Variants in REEP1 observed in about 807,000 individuals in gnomAD.
The protein encoded by REEP1 is receptor expression-enhancing protein 1.
Under a neutral mutation model 40.3 loss-of-function variants are expected in REEP1, and 22 were observed. That is an observed-to-expected ratio of 0.55 (90% CI 0.39 to 0.78). The LOEUF (loss-of-function observed/expected upper bound fraction) is 0.78. Ranked by LOEUF, REEP1 falls within the 30% of genes least tolerant of loss-of-function variation. The pLI is 0.00. For synonymous variants in REEP1, 116 were observed against 139.2 expected, an observed-to-expected ratio of 0.83 and a Z score of 1.17; for missense variants, 280 against 361.1, an observed-to-expected ratio of 0.78 and a Z score of 1.82.
chr2:86,283,184 T>A (rs987847435), intron 1 of REEP1, among the ~76,000 whole-genome samples: 6 of 152,226 alleles, frequency 3.9e-5, no homozygotes, highest in African/African-American at 1.4e-4. Flanking sequence ...ACAGCCCTCT[T>A]TCCACAGCAC....
intron 5 of REEP1, among the ~76,000 whole-genome samples, chr2:86,250,605 G>A (rs1676218774): frequency 6.6e-6 from 1 of 152,118 alleles, no homozygotes; most frequent in Non-Finnish European, 1.5e-5. Flanking sequence ...TAGTAAAGGG[G>A]CAGAGACCCC....
chr2:86,247,317 TA>T (rs1676027856), intron 5 of REEP1, among the ~76,000 whole-genome samples: 1 of 152,174 alleles, frequency 6.6e-6, no homozygotes, highest in Non-Finnish European at 1.5e-5. Flanking sequence ...GAGGGTGGGA[TA>T]GGGGTTAAAT....
chr2:86,224,688 G>C (rs544431158), intron 7 of REEP1, among the ~76,000 whole-genome samples: 1 of 152,350 alleles, frequency 6.6e-6, no homozygotes, highest in East Asian at 1.9e-4. Flanking sequence ...CCCCATCCCA[G>C]CAGCAACCAA....
intron 1 of REEP1, among the ~76,000 whole-genome samples, chr2:86,306,671 G>A (rs76416920): frequency 0.016 from 2,409 of 152,238 alleles, 50 homozygotes; most frequent in African/African-American, 0.052. Flanking sequence ...CTACAAATTG[G>A]TGTTTGGTAG....
intron 3 of REEP1, among the ~76,000 whole-genome samples, chr2:86,259,446 TGCGATCTTA>T (rs1676740785): frequency 6.6e-6 from 1 of 151,610 alleles, no homozygotes; most frequent in African/African-American, 2.4e-5. Flanking sequence ...AGTGCAGTGG[TGCGATCTTA>T]GCTCACTGCA....
intron 4 of REEP1, among the ~76,000 whole-genome samples, chr2:86,252,953 G>A (rs1288055505): frequency 6.6e-6 from 1 of 152,188 alleles, no homozygotes; most frequent in Non-Finnish European, 1.5e-5. Context: ...TTGTTTGTTT[G>A]GGAGTGTTTT....
intron 2 of REEP1, among the ~76,000 whole-genome samples, chr2:86,270,184 T>A (rs1427821223): frequency 6.6e-6 from 1 of 151,594 alleles, no homozygotes; most frequent in Non-Finnish European, 1.5e-5. Flanking sequence ...TGTTTGTTTG[T>A]TTGTTTGTTT....
At chr2:86,251,006 C>T (rs1205016534) in intron 5 of REEP1, among the ~76,000 whole-genome samples, 1 of 152,174 alleles carries the variant, frequency 6.6e-6, no homozygotes, top group Non-Finnish European at 1.5e-5. Flanking sequence ...CCCCAAAACC[C>T]TCACATCACC....
chr2:86,284,241 C>T (rs148702757), intron 1 of REEP1, among the ~76,000 whole-genome samples: 4 of 152,072 alleles, frequency 2.6e-5, no homozygotes, highest in Admixed American at 6.5e-5. Context: ...GGTCACCCCC[C>T]CTGACGATTG....
In REEP1 at chr2:86,280,862, CTG is replaced by C. The variant is rs1678044155; in HGVS notation, c.105+1306_105+1307del. Among the ~76,000 whole-genome samples the C allele has an allele frequency of 3.3e-5, 5 of 152,034 alleles. No individual in the cohort carries two copies. In the South Asian group the frequency reaches 1.0e-3, roughly 31 times the overall value. On this transcript the variant is annotated intron_variant, in intron 2 of 8. Coordinates refer to ENST00000538924, the MANE Select transcript of REEP1 (RefSeq NM_001371279.1). ...TCATCATAAAGACTTCTTGGGAAAT[CTG>C]AGAAAAAAAATACTGACTTTCTAAG...
At chr2:86,275,350 A>G (rs1677699552) in intron 2 of REEP1, among the ~76,000 whole-genome samples, 1 of 152,064 alleles carries the variant, frequency 6.6e-6, no homozygotes, top group Non-Finnish European at 1.5e-5. Flanking sequence ...CCATTTTCTT[A>G]TTTTCTATAT....
intron 1 of REEP1, among the ~76,000 whole-genome samples, chr2:86,317,974 G>GA (rs1285383383): frequency 6.6e-6 from 1 of 152,032 alleles, no homozygotes; most frequent in African/African-American, 2.4e-5. Flanking sequence ...GATCTCATCA[G>GA]AAAAAACAAA....
chr2:86,263,371 A>G (rs1676962795), intron 3 of REEP1, among the ~76,000 whole-genome samples: 1 of 152,150 alleles, frequency 6.6e-6, no homozygotes. Flanking sequence ...CTGGGACTAC[A>G]GGTGTGCACC....
Position 86,234,595 on chromosome 2 carries a change from C to T in REEP1, c.418-1793G>A, listed in dbSNP as rs17027093. Among the ~76,000 whole-genome samples, 642 of 152,272 alleles carry T rather than the reference C, an allele frequency of 4.2e-3. 4 individuals are homozygous for T. Among genetic ancestry groups the T allele is most frequent in the African/African-American group, 0.015 (615 of 41,550 alleles). On this transcript the variant is annotated intron_variant, in intron 5 of 8. Transcript: ENST00000538924. Reference sequence around the variant, plus strand: ...AATATGAACTAGATCTGTTCCCAACCTACCAAAGATATAAAAACCATGTCA... The same window carrying T: ...AATATGAACTAGATCTGTTCCCAACTTACCAAAGATATAAAAACCATGTCA...
intron 1 of REEP1, among the ~76,000 whole-genome samples, chr2:86,315,624 G>A (rs543183342): frequency 1.3e-5 from 2 of 152,152 alleles, no homozygotes; most frequent in Admixed American, 1.3e-4. Flanking sequence ...TGCTGCACAG[G>A]GGGTACTCAG....
At chr2:86,280,723 C>T (rs1474701054) in intron 2 of REEP1, among the ~76,000 whole-genome samples, 1 of 152,152 alleles carries the variant, frequency 6.6e-6, no homozygotes, top group African/African-American at 2.4e-5. Flanking sequence ...TCTGGAACTC[C>T]CTGCTTACGA....
At chr2:86,282,803 T>C (rs1467078681) in intron 1 of REEP1, among the ~76,000 whole-genome samples, 1 of 152,138 alleles carries the variant, frequency 6.6e-6, no homozygotes, top group Non-Finnish European at 1.5e-5. Flanking sequence ...GAAGCAAAAA[T>C]ACCAGCAATG....
At chr2:86,314,733 C>T (rs904804600) in intron 1 of REEP1, among the ~76,000 whole-genome samples, 6 of 149,024 alleles carry the variant, frequency 4.0e-5, no homozygotes, top group African/African-American at 1.5e-4. Flanking sequence ...TGCAGTGGCG[C>T]GATCTTGGCT....
chr2:86,249,620 A>G (rs1164782941), intron 5 of REEP1, among the ~76,000 whole-genome samples: 1 of 150,338 alleles, frequency 6.7e-6, no homozygotes, highest in Non-Finnish European at 1.5e-5. Context: ...GAATCTATTA[A>G]AAAAAAAATA....
Sources: allele counts gnomAD v4.1 joint callset (sites outside exome capture counted in the v4.1 genomes callset), GRCh38; gene constraint gnomAD v4.1.1; transcripts MANE v1.5; gene names NCBI Gene and HGNC (gene_info 2026-07-23, HGNC 2026-07-21).